The following CAPN3 variants were observed in gnomAD, a reference collection of about 807,000 sequenced individuals.
CAPN3 encodes calpain-3.
Under a neutral mutation model 114.0 loss-of-function variants are expected in CAPN3, and 88 were observed. The ratio of observed to expected loss-of-function variants is 0.77; its 90% CI spans 0.65 to 0.92. CAPN3 has a LOEUF of 0.92. Ranked by LOEUF, CAPN3 falls within the 40% of genes least tolerant of loss-of-function variation. The pLI, the probability that CAPN3 is intolerant of heterozygous loss-of-function variation, is 0.00. For synonymous variants in CAPN3, 386 were observed against 382.9 expected, an observed-to-expected ratio of 1.01 and a Z score of -0.09; for missense variants, 1,028 against 1,069.0, an observed-to-expected ratio of 0.96 and a Z score of 0.53.
chr15:42,365,169 A>G (rs2052746329), intron 1 of CAPN3, among the ~76,000 whole-genome samples: 1 of 152,080 alleles, frequency 6.6e-6, no homozygotes, highest in Non-Finnish European at 1.5e-5. Context: ...GAGCTTGGAG[A>G]AGGAAGGGCC....
intron 16 of CAPN3, chr15:42,408,864 T>A: frequency 7.2e-6 from 2 of 276,474 alleles, no homozygotes; most frequent in Non-Finnish European, 1.4e-5. Flanking sequence ...CTCTTCTGTC[T>A]GGGAGCCCCT....
intron 1 of CAPN3, among the ~76,000 whole-genome samples, chr15:42,371,210 A>C (rs560941250): frequency 1.3e-5 from 2 of 151,750 alleles, no homozygotes; most frequent in Non-Finnish European, 2.9e-5. Context: ...GGTAGGGGGG[A>C]TGGGGAAGGT....
At chr15:42,389,909 C>A in intron 5 of CAPN3, 44 bp from the exon 6 acceptor site, 1 of 1,610,126 alleles carries the variant, frequency 6.2e-7, no homozygotes, top group Non-Finnish European at 8.5e-7. Flanking sequence ...TGTTTGTTCT[C>A]TCCCTCCCCT....
chr15:42,369,737 G>A (rs867163274), intron 1 of CAPN3, among the ~76,000 whole-genome samples: 1 of 152,042 alleles, frequency 6.6e-6, no homozygotes, highest in Non-Finnish European at 1.5e-5. Flanking sequence ...CAACTGGAAT[G>A]AATCATTTCT....
At chr15:42,403,150 T>TCATC (rs2141203794) in intron 13 of CAPN3, 148 bp downstream of exon 13, 1 of 715,010 alleles carries the variant, frequency 1.4e-6, no homozygotes, top group East Asian at 2.7e-5. Context: ...ATTCATTCAT[T>TCATC]CATCCATTCT....
chr15:42,402,073 T>A, intron 11 of CAPN3, 51 bp from the exon 12 acceptor site: 1 of 1,612,778 alleles, frequency 6.2e-7, no homozygotes, highest in South Asian at 1.1e-5. Context: ...TTCCGCAGGC[T>A]CCTCATCCTC....
Position 42,411,798 on chromosome 15 carries a change from A to G in CAPN3, c.*25A>G, listed in dbSNP as rs1595850384. On this transcript the variant is annotated 3_prime_UTR_variant, in exon 24 of 24. Transcript: ENST00000397163. ...AACCAGGCTGGCCTCATCCAAAGCC[A>G]TGCAGGATCACTCAGGATTTCAGTT... 1 of 1,611,310 alleles carries G rather than the reference A, an allele frequency of 6.2e-7. No individual in the cohort carries two copies. The highest frequency in any genetic ancestry group is 2.2e-5 in the East Asian group (1 of 44,662).
At position 42,359,882 on chromosome 15, in the gene CAPN3, C is replaced by T. The variant is rs762020512; in HGVS notation, c.77C>T (p.Pro26Leu). Residue 26 changes from proline to leucine, a missense_variant, in exon 1 of 24, where the codon CCG becomes CTG. Coordinates refer to ENST00000397163, the MANE Select transcript of CAPN3 (RefSeq NM_000070.3). Reference protein sequence around the residue: ...EPRSPGPVPHPAQSKATEAGG... With the variant: ...EPRSPGPVPHLAQSKATEAGG... ...CGGTCCCCAGGGCCAGTTCCTCACCCGGCCCAGAGCAAGGCCACTGAGGCT... is the reference window on the plus strand; with the variant it reads ...CGGTCCCCAGGGCCAGTTCCTCACCTGGCCCAGAGCAAGGCCACTGAGGCT... 1.4e-5 allele frequency: 22 copies of T among 1,614,066 alleles called. No homozygotes were observed. The highest frequency in any genetic ancestry group is 6.6e-5 in the South Asian group (6 of 91,082).
chr15:42,383,434 A>T (rs116137685), intron 1 of CAPN3, among the ~76,000 whole-genome samples: 2,219 of 152,146 alleles, frequency 0.015, 55 homozygotes, highest in African/African-American at 0.051. Context: ...CTCTACTAAG[A>T]ATATGGAAAC....
chr15:42,380,297 T>C (rs1377324971), intron 1 of CAPN3, among the ~76,000 whole-genome samples: 1 of 151,916 alleles, frequency 6.6e-6, no homozygotes, highest in Middle Eastern at 3.2e-3. Flanking sequence ...TGCCCCTTTT[T>C]CTGGCTTCTC....
chr15:42,402,081 C>A lies in CAPN3; in HGVS notation c.1525-43C>A, dbSNP rs754561021. On this transcript the variant is annotated intron_variant, in intron 11 of 23. Transcript: ENST00000397163. ...CATTGCCTTCCGCAGGCTCCTCATC[C>A]TCATTCACATCTGAAGCATCTTCCT... 6.8e-6 allele frequency: 11 copies of A among 1,613,462 alleles called. No individual in the cohort carries two copies. The East Asian group carries it at 2.2e-4, about 33-fold the overall frequency.
intron 17 of CAPN3, 37 bp from the exon 18 acceptor site, chr15:42,409,750 C>T: frequency 6.3e-7 from 1 of 1,595,672 alleles, no homozygotes; most frequent in East Asian, 2.2e-5. Flanking sequence ...AGCTGCTGTA[C>T]TCCTGAACCA....
intron 1 of CAPN3, among the ~76,000 whole-genome samples, chr15:42,363,360 G>C (rs75246910): frequency 0.038 from 5,778 of 152,290 alleles, 338 homozygotes; most frequent in African/African-American, 0.12. Flanking sequence ...AATAGAATGG[G>C]TTCTAGAACA....
In CAPN3 at chr15:42,360,072, T is replaced by C. The variant is rs764051332; in HGVS notation, c.267T>C (p.Tyr89=). 3 of 1,614,148 alleles carry C rather than the reference T, an allele frequency of 1.9e-6. No homozygotes were observed. The highest frequency in any genetic ancestry group is 2.5e-6 in the Non-Finnish European group (3 of 1,180,050). ...EFPPDETSLF[Y]SQKFPIQFVW... ...CACCGGATGAGACCTCTCTCTTTTATAGCCAGAAGTTCCCCATCCAGTTCG... is the reference window on the plus strand; with the variant it reads ...CACCGGATGAGACCTCTCTCTTTTACAGCCAGAAGTTCCCCATCCAGTTCG... The change falls in exon 1 of 24, where the codon TAT becomes TAC. Residue 89 remains tyrosine (Y), a synonymous_variant. Transcript: ENST00000397163.
Position 42,387,898 on chromosome 15 carries a change from T to C in CAPN3, c.632+12T>C. On this transcript the variant is annotated intron_variant, in intron 4 of 23. Coordinates refer to ENST00000397163, the MANE Select transcript of CAPN3 (RefSeq NM_000070.3). ...AAGGCTTATGCTAAGTAAGCAACACTTTAGAATGTGAGGTGGGGCTAGAGG... is the reference window on the plus strand; with the variant it reads ...AAGGCTTATGCTAAGTAAGCAACACCTTAGAATGTGAGGTGGGGCTAGAGG... The C allele has an allele frequency of 6.2e-7, 1 of 1,614,108 alleles. No individual in the cohort carries two copies. The highest frequency in any genetic ancestry group is 8.5e-7 in the Non-Finnish European group (1 of 1,180,004).
intron 21 of CAPN3, 25 bp downstream of exon 21, chr15:42,410,691 G>A: frequency 3.1e-6 from 5 of 1,599,148 alleles, no homozygotes; most frequent in Non-Finnish European, 3.4e-6. Context: ...GGGGTGGCAG[G>A]GATGTGGACC....
In CAPN3 at chr15:42,388,871, T is replaced by C. The variant is rs2053474603; in HGVS notation, c.633-57T>C. 4 of 1,500,946 alleles carry C rather than the reference T, an allele frequency of 2.7e-6. No individual in the cohort carries two copies. The East Asian group carries it at 9.0e-5, about 34-fold the overall frequency. The allele number at this position is 1,500,946 out of a possible 1,614,324, so 93.0% of individuals were successfully genotyped here. Reference sequence around the variant, plus strand: ...GTAAAGTTCTGGTGGCAGTGGTACCTGGGTTTTGTTCCCTGGAACTCTGTG... The same window carrying C: ...GTAAAGTTCTGGTGGCAGTGGTACCCGGGTTTTGTTCCCTGGAACTCTGTG... On this transcript the variant is annotated intron_variant, in intron 4 of 23. Coordinates refer to ENST00000397163, the MANE Select transcript of CAPN3 (RefSeq NM_000070.3).
rs879491385 is a variant in CAPN3, at chr15:42,409,813, C to G, written c.2019C>G (p.Leu673=). The G allele has an allele frequency of 2.5e-6, 4 of 1,570,830 alleles. No homozygotes were observed. The highest frequency in any genetic ancestry group is 3.8e-5 in the Admixed American group (2 of 53,086). Residue 673 remains leucine, a synonymous_variant, in exon 18 of 24, where the codon CTC becomes CTG. Transcript: ENST00000397163. ...GDDMEICADE[L]KKVLNTVVNK... is the part of the protein sequence containing the mutation. ...ACATGGAGATCTGTGCAGATGAGCT[C>G]AAGAAGGTCCTTAACACAGTCGTGA...
intron 10 of CAPN3, among the ~76,000 whole-genome samples, chr15:42,401,148 C>T (rs1232145087): frequency 4.0e-5 from 6 of 151,676 alleles, no homozygotes; most frequent in African/African-American, 1.2e-4. Flanking sequence ...GAGCCGAGAT[C>T]GCGCCACTGC....
Sources: gnomAD v4.1 joint callset for allele counts (sites outside exome capture counted in the v4.1 genomes callset) on GRCh38, gnomAD v4.1.1 for gene constraint, MANE v1.5 for transcripts, NCBI Gene and HGNC (gene_info 2026-07-23, HGNC 2026-07-21) for gene names.